The following PTPN14 variants were observed in gnomAD, a reference collection of about 807,000 sequenced individuals.
The protein encoded by PTPN14 is tyrosine-protein phosphatase non-receptor type 14.
Under a neutral mutation model 126.8 loss-of-function variants are expected in PTPN14, and 53 were observed. That is an observed-to-expected ratio of 0.42 (90% CI 0.34 to 0.53). The LOEUF (loss-of-function observed/expected upper bound fraction) is 0.53. PTPN14 is among the 20% of genes least tolerant of loss of function. The pLI is 0.08. For synonymous variants in PTPN14, 630 were observed against 599.3 expected (o/e 1.05, Z -0.75); for missense variants, 1,257 against 1,552.9 (o/e 0.81, Z 3.20).
At chr1:214,424,854 A>G (rs1394539960) in intron 3 of PTPN14, among the ~76,000 whole-genome samples, 1 of 29,452 alleles carries the variant, frequency 3.4e-5, no homozygotes, top group African/African-American at 1.4e-4. Flanking sequence ...CGGCCCGCCC[A>G]CCCTACATTC....
chr1:214,392,166 A>G (rs371318414), intron 10 of PTPN14, among the ~76,000 whole-genome samples: 1 of 152,074 alleles, frequency 6.6e-6, no homozygotes, highest in African/African-American at 2.4e-5. Flanking sequence ...GCTGAACTGC[A>G]TATGGAATTT....
intron 1 of PTPN14, among the ~76,000 whole-genome samples, chr1:214,494,578 A>G (rs1442803144): frequency 1.3e-5 from 2 of 152,200 alleles, no homozygotes; most frequent in African/African-American, 2.4e-5. Flanking sequence ...GTTGTGGTGC[A>G]TTGTTATTGT....
intron 2 of PTPN14, among the ~76,000 whole-genome samples, chr1:214,454,072 T>C (rs1258713168): frequency 1.3e-5 from 2 of 152,180 alleles, no homozygotes; most frequent in Non-Finnish European, 2.9e-5. Flanking sequence ...ATGAGGGTAT[T>C]CCACGGTATT....
At chr1:214,486,820 G>GA (rs1558125363) in intron 1 of PTPN14, among the ~76,000 whole-genome samples, 1 of 152,064 alleles carries the variant, frequency 6.6e-6, no homozygotes, top group Admixed American at 6.6e-5. Context: ...ATACTGCAGT[G>GA]AAAAAAATAA....
chr1:214,419,303 T>A (rs559083839), intron 3 of PTPN14, among the ~76,000 whole-genome samples: 24 of 152,252 alleles, frequency 1.6e-4, no homozygotes, highest in Admixed American at 3.3e-4. Flanking sequence ...GGTCTGCTCT[T>A]CCCTCCTCTA....
Position 214,464,623 on chromosome 1 carries a change from C to G in PTPN14, c.174+7G>C. 6.2e-7 allele frequency: 1 copy of G among 1,613,888 alleles called. No individual in the cohort carries two copies. Among genetic ancestry groups the G allele is most frequent in the Non-Finnish European group, 8.5e-7 (1 of 1,179,752 alleles). ...CGCACATGCGCACACAGACACACCC[C>G]TCTTACCTCTCGCAGCTCCAGCCTC... On this transcript the variant is annotated splice_region_variant and intron_variant, in intron 2 of 18. Transcript: ENST00000366956.
chr1:214,442,601 T>A (rs370342904), intron 3 of PTPN14, among the ~76,000 whole-genome samples: 1 of 152,226 alleles, frequency 6.6e-6, no homozygotes, highest in Non-Finnish European at 1.5e-5. Flanking sequence ...ATAGGACACC[T>A]ACAATAAATA....
At chr1:214,403,211 T>TA (rs1659077259) in intron 5 of PTPN14, among the ~76,000 whole-genome samples, 1 of 152,210 alleles carries the variant, frequency 6.6e-6, no homozygotes, top group Admixed American at 6.5e-5. Context: ...TGCCAGGGAA[T>TA]AGCTCTTTTC....
chr1:214,521,362 A>T (rs567532476), intron 1 of PTPN14, among the ~76,000 whole-genome samples: 1 of 152,242 alleles, frequency 6.6e-6, no homozygotes, highest in Non-Finnish European at 1.5e-5. Context: ...AAAACGGCAG[A>T]TGCCTTCCTT....
rs55879234 is a variant in PTPN14, at chr1:214,514,236, T to C, written c.-155+36947A>G. The stretch of plus-strand genomic sequence containing the variant: ...AGTCTGAGGTAGTCCTCAAACAGGA[T>C]AAAACACCCTATTTTAAAAGGCAAT... On this transcript the variant is annotated intron_variant, in intron 1 of 18. Transcript: ENST00000366956. Among the ~76,000 whole-genome samples the C allele has an allele frequency of 9.9e-3, 1,514 of 152,192 alleles. 21 individuals are homozygous for C. The highest frequency in any genetic ancestry group is 0.024 in the Middle Eastern group (7 of 294).
At chr1:214,453,684 TA>T (rs1464254005) in intron 2 of PTPN14, among the ~76,000 whole-genome samples, 2 of 152,144 alleles carry the variant, frequency 1.3e-5, no homozygotes, top group Admixed American at 1.3e-4. Flanking sequence ...TCAAAGCAGG[TA>T]AACCTCATAA....
intron 9 of PTPN14, among the ~76,000 whole-genome samples, chr1:214,394,162 C>G (rs1219229065): frequency 6.6e-6 from 1 of 152,206 alleles, no homozygotes; most frequent in Non-Finnish European, 1.5e-5. Flanking sequence ...CGAGGAGGCA[C>G]TCAACAGGAG....
chr1:214,516,939 G>A (rs1009052556), intron 1 of PTPN14, among the ~76,000 whole-genome samples: 5 of 151,956 alleles, frequency 3.3e-5, no homozygotes, highest in Non-Finnish European at 7.4e-5. Context: ...TCTGGACTAT[G>A]CCTTGAACTT....
At chr1:214,503,285 T>C (rs1364540006) in intron 1 of PTPN14, among the ~76,000 whole-genome samples, 1 of 152,218 alleles carries the variant, frequency 6.6e-6, no homozygotes, top group Non-Finnish European at 1.5e-5. Context: ...TAAGAGATAA[T>C]CTGTCCTAAG....
chr1:214,550,571 T>C (rs1010511579), intron 1 of PTPN14, among the ~76,000 whole-genome samples: 7 of 152,186 alleles, frequency 4.6e-5, no homozygotes, highest in African/African-American at 1.7e-4. Context: ...CCTACAACTT[T>C]GGAAGTTTGA....
At chr1:214,452,929 C>T (rs149662227) in intron 2 of PTPN14, among the ~76,000 whole-genome samples, 1 of 152,136 alleles carries the variant, frequency 6.6e-6, no homozygotes, top group South Asian at 2.1e-4. Flanking sequence ...TTTCCAAAGG[C>T]ATTCTTATGC....
intron 3 of PTPN14, among the ~76,000 whole-genome samples, chr1:214,436,946 A>C (rs950788495): frequency 1.3e-5 from 2 of 152,074 alleles, no homozygotes; most frequent in Non-Finnish European, 2.9e-5. Flanking sequence ...TGTATATAGT[A>C]AGGAAGTAGT....
chr1:214,457,965 T>C (rs1365972108), intron 2 of PTPN14, among the ~76,000 whole-genome samples: 2 of 152,030 alleles, frequency 1.3e-5, no homozygotes, highest in Non-Finnish European at 2.9e-5. Flanking sequence ...GACTTTGCTA[T>C]TTTAACTCAA....
At chr1:214,438,109 C>A (rs1659959430) in intron 3 of PTPN14, among the ~76,000 whole-genome samples, 1 of 152,190 alleles carries the variant, frequency 6.6e-6, no homozygotes, top group African/African-American at 2.4e-5. Context: ...TTTAAATAAT[C>A]TTTCACTGGA....
Sources: gnomAD v4.1 joint callset for allele counts (sites outside exome capture counted in the v4.1 genomes callset) on GRCh38, gnomAD v4.1.1 for gene constraint, MANE v1.5 for transcripts, NCBI Gene and HGNC (gene_info 2026-07-23, HGNC 2026-07-21) for gene names.